MTA1: variants seen among roughly 807,000 people sequenced by gnomAD.
MTA1 encodes metastasis associated 1.
Under a neutral mutation model 97.0 loss-of-function variants are expected in MTA1, and 15 were observed. That is an observed-to-expected ratio of 0.15 (90% CI 0.10 to 0.24). The LOEUF (loss-of-function observed/expected upper bound fraction) is 0.24, where lower values mean the gene tolerates loss of function less well. Among genes scored for constraint, MTA1 ranks in the 10% least tolerant of loss-of-function variants. The pLI is 1.00. For missense variants in MTA1, 709 were observed against 1,015.1 expected, an observed-to-expected ratio of 0.70 and a Z score of 4.10; for synonymous variants, 435 against 417.5, an observed-to-expected ratio of 1.04 and a Z score of -0.51.
At chr14:105,430,673 T>C (rs587668438) in intron 1 of MTA1, among the ~76,000 whole-genome samples, 1 of 151,718 alleles carries the variant, frequency 6.6e-6, no homozygotes, top group African/African-American at 2.4e-5. Context: ...TGTAGATGTT[T>C]GGGAAATAAT....
intron 9 of MTA1, 125 bp downstream of exon 9, chr14:105,460,582 T>C: frequency 3.3e-6 from 4 of 1,198,318 alleles, no homozygotes; most frequent in Non-Finnish European, 4.6e-6. Context: ...AGAGGTGCTG[T>C]CCCACCTGGA....
At chr14:105,426,506 G>A (rs781859675) in intron 1 of MTA1, among the ~76,000 whole-genome samples, 12 of 152,164 alleles carry the variant, frequency 7.9e-5, no homozygotes, top group African/African-American at 1.7e-4. Context: ...CGCAGCGCAC[G>A]TGGGGGCTGG....
chr14:105,460,310 G>A (rs2083303302), intron 8 of MTA1, 48 bp from the exon 9 acceptor site: 2 of 1,530,504 alleles, frequency 1.3e-6, no homozygotes, highest in South Asian at 1.2e-5. Flanking sequence ...TGCCTGTGGG[G>A]AGTCCCTGCT....
rs587700881 is a variant in MTA1 at position 105,461,738 on chromosome 14, G to A, written c.942+785G>A. ...GTGCCTAGACCTGAAGAGGAGGAGG[G>A]ACAGCAGCCAGCTGTGAGGCTCCTG... On this transcript the variant is annotated intron_variant, in intron 10 of 20. Transcript: ENST00000331320. Among the ~76,000 whole-genome samples the A allele has an allele frequency of 2.0e-5, 3 of 152,340 alleles. No individual in the cohort carries two copies. In the East Asian group the frequency reaches 5.8e-4, roughly 29 times the overall value.
intron 17 of MTA1, 28 bp from the exon 18 acceptor site, chr14:105,466,679 T>G (rs1555432974): frequency 1.2e-6 from 2 of 1,604,300 alleles, no homozygotes; most frequent in Non-Finnish European, 1.7e-6. Context: ...CTGTCTTCTC[T>G]CCCTCTCTCC....
In MTA1 at chr14:105,464,115, C is replaced by T; in HGVS notation, c.1160C>T (p.Pro387Leu). The change falls in exon 13 of 21, where the codon CCT becomes CTT. Residue 387 changes from proline to leucine, a missense_variant. Pro to Leu is a moderately conservative substitution (Grantham distance 98). Coordinates refer to ENST00000331320, the MANE Select transcript of MTA1 (RefSeq NM_004689.4). ...VNGTGAPGQS[P>L]GAGRACESCY... Reference sequence around the variant, plus strand: ...GGCACGGGGGCGCCGGGCCAGAGCCCTGGGGCTGGCCGGGCCTGCGAGAGC... The same window carrying T: ...GGCACGGGGGCGCCGGGCCAGAGCCTTGGGGCTGGCCGGGCCTGCGAGAGC... The T allele has an allele frequency of 6.2e-7, 1 of 1,611,684 alleles. No individual in the cohort carries two copies. Among genetic ancestry groups the T allele is most frequent in the Non-Finnish European group, 8.5e-7 (1 of 1,179,576 alleles).
intron 18 of MTA1, chr14:105,467,271 G>C (rs1386574099): frequency 5.2e-6 from 2 of 387,854 alleles, no homozygotes; most frequent in Non-Finnish European, 1.0e-5. Flanking sequence ...AGAGCAGATA[G>C]GACCAAGCCT....
rs182975153 is a variant in MTA1 at position 105,422,483 on chromosome 14, A to G, written c.28+2420A>G. Among the ~76,000 whole-genome samples, 1 of 152,240 alleles carries G rather than the reference A, an allele frequency of 6.6e-6. No individual in the cohort carries two copies. The highest frequency in any genetic ancestry group is 1.9e-4 in the East Asian group (1 of 5,174). On this transcript the variant is annotated intron_variant, in intron 1 of 20. Transcript: ENST00000331320. The surrounding 1 kb of genome is among the most constrained non-coding windows in gnomAD (Gnocchi z 4.3). ...CTGTGGGAGATGCCGGCAGGGACCC[A>G]GCCTGGGAAGGGGCTTGCTCCTGTG...
intron 18 of MTA1, 162 bp from the exon 19 acceptor site, chr14:105,469,305 T>C: frequency 1.4e-6 from 1 of 732,872 alleles, no homozygotes; most frequent in Non-Finnish European, 2.4e-6. Context: ...GACCCGGGGA[T>C]GCGAGGCCCC....
intron 17 of MTA1, 55 bp downstream of exon 17, chr14:105,466,633 C>G (rs1211958546): frequency 6.3e-7 from 1 of 1,579,032 alleles, no homozygotes; most frequent in African/African-American, 1.4e-5. Flanking sequence ...TGAGTCCGGC[C>G]CGTCCCCGCC....
At chr14:105,449,523 C>A in intron 4 of MTA1, 114 bp downstream of exon 4, 2 of 1,196,886 alleles carry the variant, frequency 1.7e-6, no homozygotes, top group Non-Finnish European at 2.3e-6. Flanking sequence ...CTGTGCCCTG[C>A]GCCCGGCCGG....
rs1555428313 is a variant in MTA1, at chr14:105,450,318, G to T, written c.426G>T (p.Glu142Asp). ...CCGAGTCGCTCAAGTCCTACCTGGA[G>T]CGGGAGGTGAGGCCCAGCCCGGCCT... ...NETESLKSYL[E>D]REDFFFYSLV... The change falls in exon 6 of 21, where the codon GAG (glutamate) becomes GAT (aspartate). Residue 142 changes from glutamate (E) to aspartate (D), a missense_variant. By Grantham distance (45) the Glu-to-Asp change is conservative (BLOSUM62 2). This residue lies in a region of MTA1 where 321 missense variants were observed against 593.5 expected (regional missense o/e 0.54). Coordinates refer to ENST00000331320, the MANE Select transcript of MTA1 (RefSeq NM_004689.4). The T allele has an allele frequency of 6.2e-7, 1 of 1,603,138 alleles. No homozygotes were observed. Among genetic ancestry groups the T allele is most frequent in the Non-Finnish European group, 8.5e-7 (1 of 1,171,980 alleles).
At chr14:105,421,908 A>C (rs1555421009) in intron 1 of MTA1, among the ~76,000 whole-genome samples, 2 of 152,110 alleles carry the variant, frequency 1.3e-5, no homozygotes, top group African/African-American at 4.8e-5. Flanking sequence ...CACGCACTCC[A>C]GTGCTGTGAG....
chr14:105,428,710 AGT>A (rs1239429851), intron 1 of MTA1, among the ~76,000 whole-genome samples: 12 of 115,954 alleles, frequency 1.0e-4, no homozygotes, highest in African/African-American at 4.0e-4. Context: ...ACCAAAAAGA[AGT>A]GTTTCTTTTT....
chr14:105,455,003 T>C (rs1555429566), intron 7 of MTA1, among the ~76,000 whole-genome samples: 1 of 152,134 alleles, frequency 6.6e-6, no homozygotes, highest in Non-Finnish European at 1.5e-5. Context: ...CCTCCCAGGC[T>C]CAGATGATCC....
Position 105,467,525 on chromosome 14 carries a change from C to T in MTA1, c.1813+783C>T, listed in dbSNP as rs587655621. On this transcript the variant is annotated intron_variant, in intron 18 of 20. Transcript: ENST00000331320. ...GCAGGCACGTCCTGTGGGGTCAGCA[C>T]GCCGGCTGCAGCGCAGGGTGGGCCT... 618 of 455,318 alleles carry T rather than the reference C, an allele frequency of 1.4e-3. 5 individuals are homozygous for T. Among genetic ancestry groups the T allele is most frequent in the African/African-American group, 9.4e-3 (473 of 50,164 alleles). The allele number at this position is 455,318 out of a possible 1,614,324, so 28.2% of individuals were successfully genotyped here. A position where few individuals can be genotyped will look rare whatever the true frequency, so the allele number is the denominator to read the frequency against.
At chr14:105,429,019 C>T (rs1389531872) in intron 1 of MTA1, among the ~76,000 whole-genome samples, 12 of 152,230 alleles carry the variant, frequency 7.9e-5, no homozygotes, top group Non-Finnish European at 1.5e-4. Flanking sequence ...CCATTGTGCC[C>T]AGCCTCACCT....
rs1215747609 is a variant in MTA1 at position 105,470,371 on chromosome 14, GA to G, written c.*158del. 5.2e-6 allele frequency: 3 copies of G among 582,396 alleles called. No homozygotes were observed. The highest frequency in any genetic ancestry group is 8.2e-6 in the Non-Finnish European group (3 of 365,008). 36.1% of individuals were successfully genotyped at this position (582,396 alleles called of 1,614,324 possible). On this transcript the variant is annotated 3_prime_UTR_variant, in exon 21 of 21. Transcript: ENST00000331320. ...CTTGGCGGACACTGGGGGAGGAGAG[GA>G]AGAAGCGCGGCTAACTTATTCCGAG...
intron 17 of MTA1, 52 bp downstream of exon 17, chr14:105,466,630 G>A: frequency 1.3e-5 from 21 of 1,576,902 alleles, no homozygotes; most frequent in South Asian, 3.5e-5. Flanking sequence ...CGGTGAGTCC[G>A]GCCCGTCCCC....
Sources: gnomAD v4.1 joint callset for allele counts (sites outside exome capture counted in the v4.1 genomes callset) on GRCh38, gnomAD v4.1.1 for gene constraint, gnomAD v4.1.1 regional missense constraint, Gnocchi (gnomAD v3.1) non-coding constraint, MANE v1.5 for transcripts, NCBI Gene and HGNC (gene_info 2026-07-23, HGNC 2026-07-21) for gene names.